Variants in AKAP13 observed in about 807,000 individuals in gnomAD.
AKAP13 encodes the protein A-kinase anchoring protein 13.
Under a neutral mutation model 264.5 loss-of-function variants are expected in AKAP13, and 80 were observed. The ratio of observed to expected loss-of-function variants is 0.30; its 90% CI spans 0.25 to 0.36. The LOEUF (loss-of-function observed/expected upper bound fraction) is 0.36. Ranked by LOEUF, AKAP13 falls within the 10% of genes least tolerant of loss-of-function variation. The probability of loss-of-function intolerance (pLI) is 1.00; values close to 1 mark genes in which losing one functional copy is unlikely to be tolerated. For missense variants in AKAP13, 3,712 were observed against 3,435.2 expected, an observed-to-expected ratio of 1.08 and a Z score of -2.01; for synonymous variants, 1,380 against 1,250.2, an observed-to-expected ratio of 1.10 and a Z score of -2.19.
chr15:85,743,943 A>G, intron 36 of AKAP13, 118 bp downstream of exon 36: 2 of 1,200,522 alleles, frequency 1.7e-6, no homozygotes, highest in Non-Finnish European at 2.3e-6. Flanking sequence ...CTCAAAAGCC[A>G]AACTGCCATC....
intron 12 of AKAP13, among the ~76,000 whole-genome samples, chr15:85,660,042 C>G (rs2083266665): frequency 6.6e-6 from 1 of 152,232 alleles, no homozygotes; most frequent in African/African-American, 2.4e-5. Context: ...AGCTTCCTTC[C>G]TGGTACCTTA....
At chr15:85,544,215 C>T (rs1032830534) in intron 5 of AKAP13, 65 of 587,734 alleles carry the variant, frequency 1.1e-4, no homozygotes, top group Middle Eastern at 7.9e-4. Flanking sequence ...TTATATTTTA[C>T]TATTTTACTC....
In AKAP13 at chr15:85,693,341, A is replaced by G. The variant is rs1356762708; in HGVS notation, c.5354A>G (p.Asp1785Gly). Residue 1785 changes from aspartate (D) to glycine (G), a missense_variant, in exon 17 of 37, where the codon GAT becomes GGT. By Grantham distance (94) the Asp-to-Gly change is moderately conservative. Coordinates refer to ENST00000394518, the MANE Select transcript of AKAP13 (RefSeq NM_007200.5). ...KEKDSKDKEKDKKTVNGHTFS... is the reference protein window; with the variant it reads ...KEKDSKDKEKGKKTVNGHTFS... Reference sequence around the variant, plus strand: ...AAAGATTCTAAAGACAAGGAGAAAGATAAGAAGACTGTCAACGGGCACACT... The same window carrying G: ...AAAGATTCTAAAGACAAGGAGAAAGGTAAGAAGACTGTCAACGGGCACACT... 6.2e-7 allele frequency: 1 copy of G among 1,613,650 alleles called. No individual in the cohort carries two copies. The highest frequency in any genetic ancestry group is 1.7e-5 in the Admixed American group (1 of 59,848).
intron 1 of AKAP13, among the ~76,000 whole-genome samples, chr15:85,473,932 G>A (rs1000076073): frequency 1.3e-5 from 2 of 152,108 alleles, no homozygotes; most frequent in Non-Finnish European, 2.9e-5. Flanking sequence ...CTTGGGATAA[G>A]CAACAAGAAA....
Position 85,684,728 on chromosome 15 carries a change from T to G in AKAP13, c.5157-13T>G. 1 of 1,600,396 alleles carries G rather than the reference T, an allele frequency of 6.2e-7. No individual in the cohort carries two copies. Among genetic ancestry groups the G allele is most frequent in the Non-Finnish European group, 8.5e-7 (1 of 1,176,064 alleles). The stretch of plus-strand genomic sequence containing the variant: ...GCCCTTTAAAAAAAATCAATCTTCT[T>G]GTTTTTATTTAGTATAACAGAAGAG... On this transcript the variant is annotated splice_polypyrimidine_tract_variant and intron_variant, in intron 15 of 36. Transcript: ENST00000394518.
intron 5 of AKAP13, among the ~76,000 whole-genome samples, chr15:85,556,828 A>G (rs530017823): frequency 6.6e-6 from 1 of 152,296 alleles, no homozygotes; most frequent in Non-Finnish European, 1.5e-5. Flanking sequence ...CCTCCTCAGA[A>G]AGCTCTTCAG....
chr15:85,645,704 T>A lies in AKAP13; in HGVS notation c.4238-114T>A, dbSNP rs970020861. On this transcript the variant is annotated intron_variant, in intron 9 of 36. Transcript: ENST00000394518. ...TAAGGAGGGAAGGAAGAGAAAAGAG[T>A]GAGAGAGAGATTTAAAAGACTGGTT... 6.3e-6 allele frequency: 7 copies of A among 1,108,480 alleles called. No homozygotes were observed. In the African/African-American group the frequency reaches 9.6e-5, roughly 15 times the overall value. The allele number at this position is 1,108,480 out of a possible 1,614,324, so 68.7% of individuals were successfully genotyped here.
intron 8 of AKAP13, among the ~76,000 whole-genome samples, chr15:85,587,102 C>T (rs2079392402): frequency 6.6e-6 from 1 of 152,166 alleles, no homozygotes; most frequent in African/African-American, 2.4e-5. Flanking sequence ...CACTAAGGCT[C>T]TAATTTCAGA....
intron 1 of AKAP13, among the ~76,000 whole-genome samples, chr15:85,429,026 A>G (rs886066699): frequency 2.0e-5 from 3 of 152,234 alleles, no homozygotes; most frequent in African/African-American, 7.2e-5. Context: ...TGGTACATGC[A>G]TAAAGTAATG....
chr15:85,431,014 C>T (rs1035501397), intron 1 of AKAP13, among the ~76,000 whole-genome samples: 14 of 152,134 alleles, frequency 9.2e-5, no homozygotes, highest in South Asian at 4.1e-4. Flanking sequence ...AGTTGGTAAG[C>T]GGCTGTAGGT....
intron 9 of AKAP13, among the ~76,000 whole-genome samples, chr15:85,643,377 C>T (rs950658673): frequency 2.0e-5 from 3 of 152,094 alleles, no homozygotes. Flanking sequence ...GGATTTATGA[C>T]CTATACCAAT....
Position 85,581,854 on chromosome 15 carries a change from A to G in AKAP13, c.3786A>G (p.Gln1262=). The G allele has an allele frequency of 6.2e-7, 1 of 1,614,210 alleles. No individual in the cohort carries two copies. Among genetic ancestry groups the G allele is most frequent in the Non-Finnish European group, 8.5e-7 (1 of 1,180,022 alleles). The change falls in exon 7 of 37, where the codon CAA becomes CAG. Residue 1262 remains glutamine, a synonymous_variant. Transcript: ENST00000394518. ...ASRIVDAVIE[Q]VKAAGALLTE... is the part of the protein sequence containing the mutation. ...GTATAGTGGATGCTGTCATCGAACA[A>G]GTCAAGGCCGCTGGAGCACTGCTTA...
intron 10 of AKAP13, among the ~76,000 whole-genome samples, chr15:85,650,948 A>G (rs1468691676): frequency 6.6e-6 from 1 of 151,978 alleles, no homozygotes; most frequent in Non-Finnish European, 1.5e-5. Flanking sequence ...AATGTGAGCC[A>G]TTATTTTCCA....
At chr15:85,683,123 G>A (rs904951457) in intron 15 of AKAP13, among the ~76,000 whole-genome samples, 10 of 152,190 alleles carry the variant, frequency 6.6e-5, no homozygotes, top group Admixed American at 2.0e-4. Context: ...CATCAGTTAT[G>A]ATTCTGATTT....
intron 2 of AKAP13, among the ~76,000 whole-genome samples, chr15:85,497,705 A>G (rs1275177211): frequency 6.6e-6 from 1 of 152,230 alleles, no homozygotes; most frequent in Non-Finnish European, 1.5e-5. Context: ...CTCAGTTGCT[A>G]CACATAGCTA....
At chr15:85,400,570 G>A (rs903793100) in intron 1 of AKAP13, among the ~76,000 whole-genome samples, 36 of 152,092 alleles carry the variant, frequency 2.4e-4, no homozygotes, top group African/African-American at 8.5e-4. Flanking sequence ...TTTAATGTAG[G>A]CAAACCTTTT....
At chr15:85,397,633 G>A (rs2071183077) in intron 1 of AKAP13, among the ~76,000 whole-genome samples, 1 of 152,096 alleles carries the variant, frequency 6.6e-6, no homozygotes, top group Admixed American at 6.6e-5. Flanking sequence ...TATAGGTCAG[G>A]TCTTATCTCT....
At chr15:85,603,235 T>A (rs1295984461) in intron 8 of AKAP13, among the ~76,000 whole-genome samples, 2 of 152,238 alleles carry the variant, frequency 1.3e-5, no homozygotes, top group Non-Finnish European at 2.9e-5. Flanking sequence ...TCACATCACA[T>A]ACACAGAAGT....
chr15:85,631,502 TCACACACACACACACA>T (rs55928032), intron 8 of AKAP13, among the ~76,000 whole-genome samples: 5,385 of 141,040 alleles, frequency 0.038, 260 homozygotes, highest in African/African-American at 0.11. Context: ...TCTCTCTCTC[TCACACACACACACACA>T]CACACACACA....
Sources: gnomAD v4.1 joint callset for allele counts (sites outside exome capture counted in the v4.1 genomes callset) on GRCh38, gnomAD v4.1.1 for gene constraint, MANE v1.5 for transcripts, NCBI Gene and HGNC (gene_info 2026-07-23, HGNC 2026-07-21) for gene names.